The following RAB38 variants were observed in gnomAD, a reference collection of about 807,000 sequenced individuals.
RAB38 encodes ras-related protein Rab-38.
Under a neutral mutation model 18.4 loss-of-function variants are expected in RAB38, and 15 were observed. The ratio of observed to expected loss-of-function variants is 0.82; its 90% CI spans 0.55 to 1.26. RAB38 has a LOEUF of 1.26. Ranked by LOEUF, RAB38 falls within the 50% of genes most tolerant of loss-of-function variation. The probability of loss-of-function intolerance (pLI) is 0.00; values close to 1 mark genes in which losing one functional copy is unlikely to be tolerated. For missense variants in RAB38, 294 were observed against 267.4 expected (o/e 1.10, Z -0.69); for synonymous variants, 101 against 104.4 (o/e 0.97, Z 0.20).
chr11:87,895,170 A>G, the RAB38 span, among the ~76,000 whole-genome samples: 17 of 151,624 alleles, frequency 1.1e-4, no homozygotes, highest in Admixed American at 1.1e-3. Context: ...TCTGGAAAGA[A>G]AGCAGCTTGT....
the RAB38 span, among the ~76,000 whole-genome samples, chr11:88,014,145 T>C: frequency 1.3e-5 from 2 of 152,188 alleles, no homozygotes; most frequent in Non-Finnish European, 2.9e-5. Flanking sequence ...GGATTTATAA[T>C]CTGTATGCCA....
the RAB38 span, among the ~76,000 whole-genome samples, chr11:88,041,558 G>A: frequency 6.6e-6 from 1 of 152,112 alleles, no homozygotes; most frequent in Non-Finnish European, 1.5e-5. Flanking sequence ...CTAGAGTTTG[G>A]CATATAGAAT....
intron 2 of RAB38, among the ~76,000 whole-genome samples, chr11:88,140,108 A>G (rs919476849): frequency 7.9e-5 from 12 of 152,244 alleles, no homozygotes; most frequent in African/African-American, 2.9e-4. Context: ...GTTATGTGGC[A>G]TTGCCAAGCA....
At chr11:87,959,532 T>G in the RAB38 span, among the ~76,000 whole-genome samples, 15 of 152,166 alleles carry the variant, frequency 9.9e-5, no homozygotes, top group Non-Finnish European at 2.2e-4. Context: ...TTTCTATAAG[T>G]ATCTATTTTA....
At chr11:87,911,977 T>C in the RAB38 span, among the ~76,000 whole-genome samples, 1 of 152,086 alleles carries the variant, frequency 6.6e-6, no homozygotes, top group East Asian at 1.9e-4. Flanking sequence ...GATCTTTTTT[T>C]CTGTTTTAGT....
At chr11:88,150,365 A>G (rs1943049653) in intron 1 of RAB38, among the ~76,000 whole-genome samples, 1 of 152,260 alleles carries the variant, frequency 6.6e-6, no homozygotes, top group Non-Finnish European at 1.5e-5. Context: ...GACTATGCCA[A>G]TAATGAAACA....
chr11:88,035,574 T>C, the RAB38 span, among the ~76,000 whole-genome samples: 1 of 152,136 alleles, frequency 6.6e-6, no homozygotes, highest in African/African-American at 2.4e-5. Context: ...TGGAGTCCAA[T>C]ATTCAAGGGC....
At chr11:87,838,524 G>T in the RAB38 span, among the ~76,000 whole-genome samples, 1 of 152,130 alleles carries the variant, frequency 6.6e-6, no homozygotes, top group East Asian at 1.9e-4. Context: ...GTATTGAGGT[G>T]GTTTTGTGAG....
the RAB38 span, among the ~76,000 whole-genome samples, chr11:87,808,274 T>C: frequency 6.6e-6 from 1 of 152,168 alleles, no homozygotes; most frequent in Non-Finnish European, 1.5e-5. Flanking sequence ...TAGTGCAGTG[T>C]TTTTCACAAT....
At chr11:88,031,338 T>C in the RAB38 span, among the ~76,000 whole-genome samples, 2 of 147,882 alleles carry the variant, frequency 1.4e-5, no homozygotes, top group South Asian at 2.2e-4. Flanking sequence ...ATGTCCTCTC[T>C]CACCACTCCT....
the RAB38 span, among the ~76,000 whole-genome samples, chr11:87,891,957 G>A: frequency 2.6e-5 from 4 of 151,762 alleles, no homozygotes; most frequent in South Asian, 2.1e-4. Flanking sequence ...TATAGTAATT[G>A]TTTGACTGCC....
chr11:88,145,411 T>C (rs1221123652), intron 2 of RAB38, among the ~76,000 whole-genome samples: 2 of 152,158 alleles, frequency 1.3e-5, no homozygotes, highest in Middle Eastern at 6.3e-3. Flanking sequence ...CCTCCCAAAG[T>C]GCTGAGATTA....
At chr11:87,961,546 C>A in the RAB38 span, among the ~76,000 whole-genome samples, 1 of 152,186 alleles carries the variant, frequency 6.6e-6, no homozygotes, top group African/African-American at 2.4e-5. Flanking sequence ...CCATCTGAGA[C>A]CCAAATCTAA....
At chr11:87,883,639 C>T in the RAB38 span, among the ~76,000 whole-genome samples, 1 of 151,778 alleles carries the variant, frequency 6.6e-6, no homozygotes, top group African/African-American at 2.4e-5. Context: ...GAAATAGTTG[C>T]CTGGATTTTC....
the RAB38 span, among the ~76,000 whole-genome samples, chr11:88,089,410 C>T: frequency 6.6e-6 from 1 of 151,892 alleles, no homozygotes; most frequent in South Asian, 2.1e-4. Flanking sequence ...TAGCTTCCTC[C>T]TCATGTCAGG....
chr11:88,016,184 A>G, the RAB38 span, among the ~76,000 whole-genome samples: 2 of 152,170 alleles, frequency 1.3e-5, no homozygotes, highest in South Asian at 2.1e-4. Flanking sequence ...TTTATTGTCT[A>G]AACAGGCAGA....
At chr11:87,884,743 C>T in the RAB38 span, among the ~76,000 whole-genome samples, 3 of 151,996 alleles carry the variant, frequency 2.0e-5, no homozygotes, top group South Asian at 6.2e-4. Flanking sequence ...TTGAGGGACT[C>T]CTCTTTTAAT....
chr11:87,921,162 G>T, the RAB38 span, among the ~76,000 whole-genome samples: 1 of 152,042 alleles, frequency 6.6e-6, no homozygotes, highest in Non-Finnish European at 1.5e-5. Flanking sequence ...ACTACAGACA[G>T]TTTCTGACTT....
the RAB38 span, among the ~76,000 whole-genome samples, chr11:87,833,019 A>C: frequency 6.6e-6 from 1 of 152,098 alleles, no homozygotes; most frequent in African/African-American, 2.4e-5. Context: ...GTTACCATAG[A>C]CCCAATTAGT....
Sources: allele counts gnomAD v4.1 joint callset (sites outside exome capture counted in the v4.1 genomes callset), GRCh38; gene constraint gnomAD v4.1.1; transcripts MANE v1.5; gene names NCBI Gene and HGNC (gene_info 2026-07-23, HGNC 2026-07-21).